FMN2: variants seen among roughly 807,000 people sequenced by gnomAD.
FMN2 encodes formin 2.
In FMN2, 51 loss-of-function variants were observed where a neutral mutation model predicts 142.3. The ratio of observed to expected loss-of-function variants is 0.36; its 90% CI spans 0.29 to 0.45. The LOEUF is 0.45. Among genes scored for constraint, FMN2 ranks in the 20% least tolerant of loss-of-function variants. The pLI is 1.00. For synonymous variants in FMN2, 882 were observed against 869.8 expected (o/e 1.01, Z -0.25); for missense variants, 1,936 against 2,122.8 (o/e 0.91, Z 1.73).
In FMN2 at chr1:240,201,064, A is replaced by G. The variant is rs556834350; in HGVS notation, c.1987-5735A>G. Among the ~76,000 whole-genome samples the G allele has an allele frequency of 1.2e-4, 19 of 152,324 alleles. No individual in the cohort carries two copies. The South Asian group carries it at 3.9e-3, about 32-fold the overall frequency. On this transcript the variant is annotated intron_variant, in intron 4 of 17. Transcript: ENST00000319653. ...AAAACCTTTGAAGCTTATGGGGTAT[A>G]TCAATTCTTTATTTTCTCAACTTTT...
At chr1:240,178,283 C>G (rs554072455) in intron 3 of FMN2, among the ~76,000 whole-genome samples, 113 of 152,142 alleles carry the variant, frequency 7.4e-4, no homozygotes, top group African/African-American at 2.7e-3. Flanking sequence ...TGAGATCAGC[C>G]TCAGGTTTAT....
chr1:240,303,708 A>T (rs2102976633), intron 8 of FMN2, among the ~76,000 whole-genome samples: 1 of 152,278 alleles, frequency 6.6e-6, no homozygotes, highest in Non-Finnish European at 1.5e-5. Flanking sequence ...ATCTTTCATC[A>T]AATTGGACAA....
intron 2 of FMN2, among the ~76,000 whole-genome samples, chr1:240,150,608 C>A (rs16839497): frequency 6.6e-6 from 1 of 152,126 alleles, no homozygotes; most frequent in Non-Finnish European, 1.5e-5. Flanking sequence ...TCAACTCTTA[C>A]CAACGGTGTG....
intron 13 of FMN2, among the ~76,000 whole-genome samples, chr1:240,344,510 A>C (rs1671842489): frequency 6.6e-6 from 1 of 152,116 alleles, no homozygotes. Flanking sequence ...ATGTATGTGT[A>C]CTCTATTTAA....
intron 14 of FMN2, among the ~76,000 whole-genome samples, chr1:240,373,098 C>G (rs527966130): frequency 6.6e-6 from 1 of 152,154 alleles, no homozygotes; most frequent in South Asian, 2.1e-4. Flanking sequence ...GCAGGAGAAT[C>G]GCTTGAACCC....
At chr1:240,408,172 G>C (rs558822862) in intron 15 of FMN2, among the ~76,000 whole-genome samples, 1 of 151,988 alleles carries the variant, frequency 6.6e-6, no homozygotes, top group Non-Finnish European at 1.5e-5. Context: ...TGAGTTTTTC[G>C]GGGAAAAATT....
intron 14 of FMN2, among the ~76,000 whole-genome samples, chr1:240,356,112 C>T (rs923263114): frequency 5.9e-5 from 9 of 151,862 alleles, no homozygotes; most frequent in Admixed American, 3.3e-4. Flanking sequence ...GATAAACATG[C>T]TATTTGTGGA....
At chr1:240,399,223 C>T (rs76452747) in intron 15 of FMN2, among the ~76,000 whole-genome samples, 3 of 152,052 alleles carry the variant, frequency 2.0e-5, no homozygotes, top group Admixed American at 2.0e-4. Context: ...ATATGTATGT[C>T]GAGTATCAAC....
intron 13 of FMN2, among the ~76,000 whole-genome samples, chr1:240,348,587 T>A (rs1295246247): frequency 6.6e-6 from 1 of 151,412 alleles, no homozygotes; most frequent in African/African-American, 2.4e-5. Context: ...TGGAAAGAGA[T>A]CACTTTTCAA....
In FMN2 at chr1:240,175,713, T is replaced by TGTC. The variant is rs543639023; in HGVS notation, c.1783-2206_1783-2205insCGT. The stretch of plus-strand genomic sequence containing the variant: ...CCAGGCTGGTGCTTTATTTTGTTGT[T>TGTC]GTTGTTGTTTGTTTGTTTTTTAAAT... On this transcript the variant is annotated intron_variant, in intron 2 of 17. Coordinates refer to ENST00000319653, the MANE Select transcript of FMN2 (RefSeq NM_020066.5). Among the ~76,000 whole-genome samples the TGTC allele has an allele frequency of 4.4e-3, 667 of 152,010 alleles. 2 individuals are homozygous for TGTC. The highest frequency in any genetic ancestry group is 0.01 in the Middle Eastern group (3 of 294).
At chr1:240,241,619 AGATGT>A (rs1479374931) in intron 6 of FMN2, among the ~76,000 whole-genome samples, 1 of 152,144 alleles carries the variant, frequency 6.6e-6, no homozygotes. Context: ...TTATTTTTAC[AGATGT>A]GATTTATGCG....
At position 240,092,880 on chromosome 1, in the gene FMN2, C is replaced by G. The variant is rs1233972779; in HGVS notation, c.771C>G (p.Ser257Arg). The G allele has an allele frequency of 6.6e-7, 1 of 1,524,542 alleles. No individual in the cohort carries two copies. The allele number at this position is 1,524,542 out of a possible 1,614,324, so 94.4% of individuals were successfully genotyped here. A position where few individuals can be genotyped will look rare whatever the true frequency, so the allele number is the denominator to read the frequency against. ...LGLDRFLLGP[S>R]GGAGEAPGSP... ...TGGACCGGTTCCTGCTGGGGCCGAGCGGCGGGGCTGGGGAGGCCCCGGGCA... is the reference window on the plus strand; with the variant it reads ...TGGACCGGTTCCTGCTGGGGCCGAGGGGCGGGGCTGGGGAGGCCCCGGGCA... Residue 257 changes from serine (S) to arginine (R), a missense_variant, in exon 1 of 18, where the codon AGC becomes AGG. Ser to Arg is a moderately radical substitution (Grantham distance 110, BLOSUM62 -1). Coordinates refer to ENST00000319653, the MANE Select transcript of FMN2 (RefSeq NM_020066.5).
intron 8 of FMN2, among the ~76,000 whole-genome samples, chr1:240,297,594 C>CAAAAA (rs57504077): frequency 2.1e-4 from 19 of 88,760 alleles, no homozygotes; most frequent in African/African-American, 2.6e-4. Flanking sequence ...GACTCCATCT[C>CAAAAA]AAAAAAAAAA....
chr1:240,452,713 G>GTCATCAGTTAAGAGATT (rs1349525144), intron 16 of FMN2, among the ~76,000 whole-genome samples: 2 of 152,136 alleles, frequency 1.3e-5, no homozygotes, highest in Non-Finnish European at 2.9e-5. Context: ...AAAAAAGTAT[G>GTCATCAGTTAAGAGATT]TCATCAGTTA....
intron 15 of FMN2, among the ~76,000 whole-genome samples, chr1:240,402,862 G>A (rs1674035759): frequency 6.6e-6 from 1 of 152,112 alleles, no homozygotes; most frequent in Non-Finnish European, 1.5e-5. Context: ...ATTACTTAAT[G>A]AACTAAGGCT....
intron 15 of FMN2, among the ~76,000 whole-genome samples, chr1:240,415,157 C>T (rs1353147783): frequency 6.6e-6 from 1 of 152,120 alleles, no homozygotes; most frequent in Non-Finnish European, 1.5e-5. Flanking sequence ...CAATGATAGA[C>T]TGGATAAAGA....
intron 6 of FMN2, among the ~76,000 whole-genome samples, chr1:240,244,685 T>C (rs1668021262): frequency 6.6e-6 from 1 of 152,222 alleles, no homozygotes. Context: ...TATTCAGTGG[T>C]TCCCAAATCT....
At chr1:240,448,089 T>C (rs1351856056) in intron 16 of FMN2, among the ~76,000 whole-genome samples, 2 of 152,166 alleles carry the variant, frequency 1.3e-5, no homozygotes, top group East Asian at 3.9e-4. Flanking sequence ...TGTACCCGAG[T>C]AATTTTGTAT....
At chr1:240,148,639 G>A (rs1369999891) in intron 2 of FMN2, among the ~76,000 whole-genome samples, 1 of 152,170 alleles carries the variant, frequency 6.6e-6, no homozygotes, top group Non-Finnish European at 1.5e-5. Context: ...GAAAAAACTT[G>A]AGATGTAAAA....
Sources: allele counts gnomAD v4.1 joint callset (sites outside exome capture counted in the v4.1 genomes callset), GRCh38; gene constraint gnomAD v4.1.1; transcripts MANE v1.5; gene names NCBI Gene and HGNC (gene_info 2026-07-23, HGNC 2026-07-21).